ARHGAP15: variants seen among roughly 807,000 people sequenced by gnomAD.
ARHGAP15 encodes Rho GTPase activating protein 15, also known as rho GTPase-activating protein 15.
Under a neutral mutation model 63.7 loss-of-function variants are expected in ARHGAP15, and 51 were observed. The ratio of observed to expected loss-of-function variants is 0.80; its 90% CI spans 0.64 to 1.01. ARHGAP15 has a LOEUF of 1.01. Ranked by LOEUF, ARHGAP15 falls within the 50% of genes least tolerant of loss-of-function variation. The pLI is 0.00. For missense variants in ARHGAP15, 560 were observed against 564.6 expected (o/e 0.99, Z 0.08); for synonymous variants, 191 against 193.8 (o/e 0.99, Z 0.12).
At chr2:143,252,682 T>C (rs1680216559) in intron 6 of ARHGAP15, among the ~76,000 whole-genome samples, 1 of 152,056 alleles carries the variant, frequency 6.6e-6, no homozygotes, top group African/African-American at 2.4e-5. Flanking sequence ...GCTGAAATCT[T>C]TTCATCACCT....
At chr2:143,625,401 G>A (rs1385486477) in intron 12 of ARHGAP15, among the ~76,000 whole-genome samples, 1 of 152,082 alleles carries the variant, frequency 6.6e-6, no homozygotes, top group East Asian at 1.9e-4. Context: ...AGAAAAAGAA[G>A]AAATTTCTCT....
intron 6 of ARHGAP15, among the ~76,000 whole-genome samples, chr2:143,419,137 TAAGA>T: frequency 1.5e-5 from 1 of 65,688 alleles, no homozygotes. Flanking sequence ...AGCACATTAG[TAAGA>T]AATTCTAAGA....
At chr2:143,619,546 C>T (rs755750831) in intron 11 of ARHGAP15, among the ~76,000 whole-genome samples, 12 of 152,152 alleles carry the variant, frequency 7.9e-5, no homozygotes, top group Non-Finnish European at 1.6e-4. Flanking sequence ...TGTGAGACAT[C>T]GTGATTCAAC....
chr2:143,395,708 T>C (rs576087306), intron 6 of ARHGAP15, among the ~76,000 whole-genome samples: 4 of 152,110 alleles, frequency 2.6e-5, no homozygotes, highest in African/African-American at 9.6e-5. Context: ...AAAAAGTATC[T>C]CATTCAGTGG....
intron 2 of ARHGAP15, among the ~76,000 whole-genome samples, chr2:143,173,779 G>A (rs1690898038): frequency 6.6e-6 from 1 of 152,044 alleles, no homozygotes; most frequent in Non-Finnish European, 1.5e-5. Context: ...TCTGGACCAA[G>A]TTGTTTGTAA....
chr2:143,504,357 C>T (rs758094374), intron 9 of ARHGAP15, among the ~76,000 whole-genome samples: 5 of 152,102 alleles, frequency 3.3e-5, no homozygotes, highest in Non-Finnish European at 5.9e-5. Context: ...GTTGTGATTC[C>T]ATCCTTCAAA....
chr2:143,463,408 G>T (rs1466994303), intron 8 of ARHGAP15, among the ~76,000 whole-genome samples: 1 of 151,976 alleles, frequency 6.6e-6, no homozygotes, highest in East Asian at 1.9e-4. Context: ...CAGGTGTAGT[G>T]GCGGGCACCT....
At chr2:143,546,191 T>C (rs1046173183) in intron 10 of ARHGAP15, among the ~76,000 whole-genome samples, 1 of 152,104 alleles carries the variant, frequency 6.6e-6, no homozygotes, top group African/African-American at 2.4e-5. Flanking sequence ...TCCCAGCCAA[T>C]GTTTAGAAAA....
intron 8 of ARHGAP15, among the ~76,000 whole-genome samples, chr2:143,445,287 A>G (rs2105117601): frequency 7.0e-6 from 1 of 143,550 alleles, no homozygotes; most frequent in South Asian, 2.3e-4. Flanking sequence ...CAGCCTCCCT[A>G]GTAGCTGGGA....
intron 13 of ARHGAP15, chr2:143,740,947 G>A (rs1685940384): frequency 6.6e-6 from 1 of 151,950 alleles, no homozygotes; most frequent in South Asian, 2.1e-4. Context: ...AGAAAGGCGA[G>A]GATTTAGCAG....
intron 5 of ARHGAP15, among the ~76,000 whole-genome samples, chr2:143,239,990 C>CAAAAA (rs60960176): frequency 0.076 from 2,002 of 26,482 alleles, 445 homozygotes; most frequent in East Asian, 0.17. Flanking sequence ...GACTCTGTCT[C>CAAAAA]AAAAAAAAAA....
intron 11 of ARHGAP15, among the ~76,000 whole-genome samples, chr2:143,592,758 T>C (rs1379798822): frequency 6.6e-6 from 1 of 152,202 alleles, no homozygotes; most frequent in African/African-American, 2.4e-5. Flanking sequence ...ATGGTTAATA[T>C]AGAAATGTGA....
intron 2 of ARHGAP15, chr2:143,171,996 C>A (rs551017380): frequency 5.3e-5 from 8 of 152,078 alleles, no homozygotes; most frequent in Admixed American, 2.6e-4. Context: ...TGCCTCTCTT[C>A]TCATGGCCAG....
intron 6 of ARHGAP15, among the ~76,000 whole-genome samples, chr2:143,346,945 TTCAGGGCAA>T (rs754507752): frequency 1.3e-5 from 2 of 152,084 alleles, no homozygotes; most frequent in Admixed American, 1.3e-4. Flanking sequence ...TACAATTTGC[TTCAGGGCAA>T]ACTAGATTCT....
At chr2:143,670,190 C>CT (rs1682445761) in intron 12 of ARHGAP15, among the ~76,000 whole-genome samples, 1 of 152,182 alleles carries the variant, frequency 6.6e-6, no homozygotes, top group African/African-American at 2.4e-5. Context: ...AGCAAACCCA[C>CT]TTCTGCTCCC....
chr2:143,158,777 G>A (rs1217271363), intron 2 of ARHGAP15, among the ~76,000 whole-genome samples: 1 of 151,928 alleles, frequency 6.6e-6, no homozygotes, highest in African/African-American at 2.4e-5. Context: ...TTACCAGAAT[G>A]TGCTAAACAG....
intron 13 of ARHGAP15, among the ~76,000 whole-genome samples, chr2:143,744,854 A>C (rs1206770237): frequency 6.6e-6 from 1 of 152,234 alleles, no homozygotes; most frequent in Non-Finnish European, 1.5e-5. Flanking sequence ...GAAAATGTAC[A>C]TCCGTTGGGA....
chr2:143,736,743 G>A (rs1477033936), intron 13 of ARHGAP15, among the ~76,000 whole-genome samples: 1 of 152,134 alleles, frequency 6.6e-6, no homozygotes, highest in Non-Finnish European at 1.5e-5. Context: ...CACAATGCCT[G>A]GCACACAGTA....
intron 6 of ARHGAP15, among the ~76,000 whole-genome samples, chr2:143,379,696 T>TA (rs1440349359): frequency 2.0e-5 from 3 of 151,916 alleles, no homozygotes; most frequent in Non-Finnish European, 4.4e-5. Flanking sequence ...AAAGTTGTCA[T>TA]AAAAATTAAA....
Sources: allele counts gnomAD v4.1 joint callset (sites outside exome capture counted in the v4.1 genomes callset), GRCh38; gene constraint gnomAD v4.1.1; transcripts MANE v1.5; gene names NCBI Gene and HGNC (gene_info 2026-07-23, HGNC 2026-07-21).